ARFGEF3: variants seen among roughly 807,000 people sequenced by gnomAD.
ARFGEF3 encodes brefeldin A-inhibited guanine nucleotide-exchange protein 3.
A neutral mutation model predicts 221.7 loss-of-function variants in ARFGEF3; 96 were observed. The ratio of observed to expected loss-of-function variants is 0.43; its 90% confidence interval spans 0.37 to 0.51. The LOEUF (loss-of-function observed/expected upper bound fraction) is 0.51, where lower values mean the gene tolerates loss of function less well. Among genes scored for constraint, ARFGEF3 ranks in the 20% least tolerant of loss-of-function variants. The pLI is 0.00. For missense variants in ARFGEF3, 2,410 were observed against 2,789.9 expected (o/e 0.86, Z 3.07); for synonymous variants, 1,145 against 1,126.8 (o/e 1.02, Z -0.32).
intron 2 of ARFGEF3, among the ~76,000 whole-genome samples, chr6:138,196,154 C>T (rs1004496940): frequency 8.5e-5 from 13 of 152,168 alleles, no homozygotes; most frequent in African/African-American, 2.9e-4. Flanking sequence ...GCCTGCCCTG[C>T]CTCTTGTCCA....
chr6:138,298,649 C>T lies in ARFGEF3; in HGVS notation c.3692C>T (p.Ser1231Phe). The stretch of plus-strand genomic sequence containing the variant: ...AGACATGTGTCTCAGAAGGCTGTTT[C>T]CTTCATCCATGACATACTGACAGAA... ...KERHVSQKAV[S>F]FIHDILTEVL... Residue 1231 changes from serine (S) to phenylalanine (F), a missense_variant, in exon 22 of 34, where the codon TCC becomes TTC. Ser to Phe is a radical substitution (Grantham distance 155, BLOSUM62 -2). This residue lies in a region of ARFGEF3 where 723 missense variants were observed against 991.9 expected (regional missense o/e 0.73). Transcript: ENST00000251691. The T allele has an allele frequency of 6.2e-7, 1 of 1,613,414 alleles. No homozygotes were observed. Among genetic ancestry groups the T allele is most frequent in the Non-Finnish European group, 8.5e-7 (1 of 1,179,698 alleles).
At chr6:138,173,928 C>T (rs1041141966) in intron 2 of ARFGEF3, among the ~76,000 whole-genome samples, 2 of 152,162 alleles carry the variant, frequency 1.3e-5, no homozygotes, top group Non-Finnish European at 2.9e-5. Context: ...TACAAAGATA[C>T]ATCATCTTAC....
At chr6:138,319,661 C>T in intron 27 of ARFGEF3, 42 bp from the exon 28 acceptor site, 3 of 1,489,414 alleles carry the variant, frequency 2.0e-6, no homozygotes, top group Admixed American at 4.5e-5. Flanking sequence ...AAGAGCTTCC[C>T]TTTTATTACA....
At chr6:138,271,075 A>C (rs1778996110) in intron 12 of ARFGEF3, among the ~76,000 whole-genome samples, 1 of 152,220 alleles carries the variant, frequency 6.6e-6, no homozygotes, top group Admixed American at 6.5e-5. Flanking sequence ...AAAGGCTGAG[A>C]GTTTGCTTGC....
intron 2 of ARFGEF3, among the ~76,000 whole-genome samples, chr6:138,195,408 A>G (rs893960134): frequency 4.6e-5 from 7 of 152,222 alleles, no homozygotes; most frequent in African/African-American, 1.7e-4. Flanking sequence ...CCCAAAAGGC[A>G]AAGTGTTGGG....
chr6:138,296,380 G>C (rs564893688), intron 20 of ARFGEF3, among the ~76,000 whole-genome samples: 2 of 152,294 alleles, frequency 1.3e-5, no homozygotes, highest in East Asian at 3.9e-4. Flanking sequence ...GTATTATCAC[G>C]TTTAATCTTT....
chr6:138,283,687 TG>T (rs1253709705), intron 14 of ARFGEF3, among the ~76,000 whole-genome samples: 1 of 152,218 alleles, frequency 6.6e-6, no homozygotes, highest in Non-Finnish European at 1.5e-5. Context: ...TATAGAACTG[TG>T]GAATTTTAGC....
intron 7 of ARFGEF3, among the ~76,000 whole-genome samples, chr6:138,244,967 A>G (rs1160259594): frequency 6.6e-6 from 1 of 152,164 alleles, no homozygotes; most frequent in Admixed American, 6.5e-5. Flanking sequence ...GAAACAATCT[A>G]TTTTCTTTCT....
rs765022342 is a variant in ARFGEF3 at position 138,162,085 on chromosome 6, A to G, written c.-2A>G. On this transcript the variant is annotated 5_prime_UTR_variant, in exon 1 of 34. Transcript: ENST00000251691. The surrounding 1 kb of genome is among the most constrained non-coding windows in gnomAD (Gnocchi z 4.7). The stretch of plus-strand genomic sequence containing the variant: ...CGGCGGCCCGGCGCCTGGAAGGTCA[A>G]GATGGAAGAAATCCTGAGGAAGCTG... 1 of 1,593,220 alleles carries G rather than the reference A, an allele frequency of 6.3e-7. No individual in the cohort carries two copies.
intron 2 of ARFGEF3, among the ~76,000 whole-genome samples, chr6:138,204,679 A>G (rs963493114): frequency 1.1e-4 from 17 of 152,192 alleles, no homozygotes; most frequent in African/African-American, 4.1e-4. Flanking sequence ...TCTACATATT[A>G]TACTCCAACT....
At chr6:138,297,840 G>A (rs1210212847) in intron 21 of ARFGEF3, among the ~76,000 whole-genome samples, 1 of 152,154 alleles carries the variant, frequency 6.6e-6, no homozygotes, top group Non-Finnish European at 1.5e-5. Context: ...AGATCTCACT[G>A]GCTTTAATTG....
chr6:138,336,353 C>A lies in ARFGEF3; in HGVS notation c.6401C>A (p.Thr2134Asn). The change falls in exon 34 of 34, where the codon ACC (threonine) becomes AAC (asparagine). Residue 2134 changes from threonine to asparagine, a missense_variant. This residue lies in a region of ARFGEF3 where 339 missense variants were observed against 334.9 expected (regional missense o/e 1.01). Transcript: ENST00000251691. Reference sequence around the variant, plus strand: ...CAGATTCAGATTCTCCCAGACCAGACCTTCACGGCCCTCCAGCCCGCAGTG... The same window carrying A: ...CAGATTCAGATTCTCCCAGACCAGAACTTCACGGCCCTCCAGCCCGCAGTG... ...LNQIQILPDQ[T>N]FTALQPAVFP... 1.2e-6 allele frequency: 2 copies of A among 1,611,122 alleles called. No individual in the cohort carries two copies. The highest frequency in any genetic ancestry group is 1.1e-5 in the South Asian group (1 of 90,210).
Position 138,291,636 on chromosome 6 carries a change from G to A in ARFGEF3, c.3048-97G>A. 1 of 833,572 alleles carries A rather than the reference G, an allele frequency of 1.2e-6. No individual in the cohort carries two copies. 51.6% of individuals were successfully genotyped at this position (833,572 alleles called of 1,614,324 possible). On this transcript the variant is annotated intron_variant, in intron 18 of 33. Coordinates refer to ENST00000251691, the MANE Select transcript of ARFGEF3 (RefSeq NM_020340.5). The surrounding 1 kb of genome is among the most constrained non-coding windows in gnomAD (Gnocchi z 4.5). The stretch of plus-strand genomic sequence containing the variant: ...AAAGAGGAAAGCTGGGGAGCTTGCA[G>A]AGCTGGCTGCATTTCCTTTGTCTGG...
rs1286403407 is a variant in ARFGEF3 at position 138,311,422 on chromosome 6, A to G, written c.4112A>G (p.Lys1371Arg). 1.2e-6 allele frequency: 2 copies of G among 1,606,906 alleles called. No homozygotes were observed. The highest frequency in any genetic ancestry group is 2.7e-5 in the African/African-American group (2 of 74,800). Residue 1371 changes from lysine (K) to arginine (R), a missense_variant, in exon 25 of 34, where the codon AAA (lysine) becomes AGA (arginine). By Grantham distance (26) the Lys-to-Arg change is conservative (BLOSUM62 2). Transcript: ENST00000251691. ...CCGCCCCTAGGGGAGGTGGACTGTA[A>G]AGAGATTGGAGACTGTGCCCCAGCA... ...FVKGLGEVDC[K>R]EIGDCAPAPG...
rs768481765 is a variant in ARFGEF3 at position 138,334,383 on chromosome 6, A to G, written c.5537A>G (p.Glu1846Gly). 1 of 1,613,352 alleles carries G rather than the reference A, an allele frequency of 6.2e-7. No homozygotes were observed. The highest frequency in any genetic ancestry group is 8.5e-7 in the Non-Finnish European group (1 of 1,179,700). The change falls in exon 33 of 34, where the codon GAG becomes GGG. Residue 1846 changes from glutamate (E) to glycine (G), a missense_variant. This residue lies in a region of ARFGEF3 where 723 missense variants were observed against 991.9 expected (regional missense o/e 0.73). Coordinates refer to ENST00000251691, the MANE Select transcript of ARFGEF3 (RefSeq NM_020340.5). The surrounding 1 kb of genome is among the most constrained non-coding windows in gnomAD (Gnocchi z 5.1). ...QVKKVLFEDD[E>G]RSTDSSQQCS... ...AAGAAGGTCCTTTTTGAGGACGACG[A>G]GAGAAGCACGGATTCTTCCCAGCAG...
rs774305953 is a variant in ARFGEF3 at position 138,263,361 on chromosome 6, C to T, written c.1878C>T (p.Asp626=). Residue 626 remains aspartate, a synonymous_variant, in exon 12 of 34, where the codon GAC becomes GAT. Coordinates refer to ENST00000251691, the MANE Select transcript of ARFGEF3 (RefSeq NM_020340.5). ...CAGAAAAGGACTCGGGCAGGTCCGACGTGTCAGACATTGGGTCGGACAACT... is the reference window on the plus strand; with the variant it reads ...CAGAAAAGGACTCGGGCAGGTCCGATGTGTCAGACATTGGGTCGGACAACT... ...MAAEKDSGRS[D]VSDIGSDNCS... is the part of the protein sequence containing the mutation. The T allele has an allele frequency of 4.2e-5, 67 of 1,613,908 alleles. 2 individuals carry two copies. Among genetic ancestry groups the T allele is most frequent in the South Asian group, 2.3e-4 (21 of 91,090 alleles).
intron 32 of ARFGEF3, among the ~76,000 whole-genome samples, chr6:138,332,587 T>G (rs185698863): frequency 3.3e-5 from 5 of 152,232 alleles, no homozygotes; most frequent in African/African-American, 2.4e-5. Context: ...ACTGGTAGCT[T>G]AAGTAGGAGC....
intron 9 of ARFGEF3, among the ~76,000 whole-genome samples, chr6:138,254,354 G>A (rs1016559949): frequency 4.6e-5 from 7 of 151,634 alleles, no homozygotes; most frequent in Middle Eastern, 3.4e-3. Context: ...GAGAGGTGAA[G>A]GTTGCAGCGA....
At position 138,340,216 on chromosome 6, in the gene ARFGEF3, C is replaced by T. The variant is rs773782044; in HGVS notation, c.*3730C>T. 3.3e-5 allele frequency: 5 copies of T among 152,242 alleles called. No individual in the cohort carries two copies. The highest frequency in any genetic ancestry group is 9.6e-5 in the African/African-American group (4 of 41,540). The allele number at this position is 152,242 out of a possible 1,614,324, so 9.4% of individuals were successfully genotyped here. On this transcript the variant is annotated 3_prime_UTR_variant, in exon 34 of 34. Coordinates refer to ENST00000251691, the MANE Select transcript of ARFGEF3 (RefSeq NM_020340.5). ...CAGCATGGGTGACAAAGTGAGACTT[C>T]GTCTCAAGTAAATAAAACTAAAATT...
Sources: allele counts gnomAD v4.1 joint callset (sites outside exome capture counted in the v4.1 genomes callset), GRCh38; gene constraint gnomAD v4.1.1; regional missense constraint gnomAD v4.1.1; non-coding constraint Gnocchi (gnomAD v3.1); transcripts MANE v1.5; gene names NCBI Gene and HGNC (gene_info 2026-07-23, HGNC 2026-07-21).